The following TSEN2 variants were observed in gnomAD, a reference collection of about 807,000 sequenced individuals.
TSEN2 encodes tRNA splicing endonuclease subunit 2, also known as tRNA-splicing endonuclease subunit Sen2.
A neutral mutation model predicts 59.2 loss-of-function variants in TSEN2; 54 were observed. The observed-to-expected ratio is 0.91, with a 90% CI of 0.73 to 1.14. TSEN2 has a LOEUF of 1.14. TSEN2 is among the 50% of genes most tolerant of loss of function. The probability of loss-of-function intolerance (pLI) is 0.00; values close to 1 mark genes in which losing one functional copy is unlikely to be tolerated. For synonymous variants in TSEN2, 195 were observed against 198.2 expected (o/e 0.98, Z 0.14); for missense variants, 636 against 576.2 (o/e 1.10, Z -1.06).
chr3:12,529,642 A>G, intron 9 of TSEN2, 120 bp from the exon 10 acceptor site: 1 of 888,124 alleles, frequency 1.1e-6, no homozygotes, highest in Non-Finnish European at 1.7e-6. Context: ...ATTTAGGGGA[A>G]TTTAGAATCA....
chr3:12,523,942 T>C (rs2056876043), intron 8 of TSEN2, among the ~76,000 whole-genome samples: 1 of 152,224 alleles, frequency 6.6e-6, no homozygotes, highest in African/African-American at 2.4e-5. Context: ...TCCATATTAA[T>C]CCGTAAGTAT....
At chr3:12,508,938 G>A (rs2055128309) in intron 6 of TSEN2, among the ~76,000 whole-genome samples, 1 of 152,136 alleles carries the variant, frequency 6.6e-6, no homozygotes, top group Admixed American at 6.5e-5. Flanking sequence ...ATAGCTCACT[G>A]AAGCCTCATA....
chr3:12,496,781 C>A (rs980802315), intron 4 of TSEN2, among the ~76,000 whole-genome samples: 1 of 152,202 alleles, frequency 6.6e-6, no homozygotes, highest in African/African-American at 2.4e-5. Context: ...CAGTTGAATT[C>A]TTTCCAAATT....
Position 12,530,473 on chromosome 3 carries a change from T to G in TSEN2, c.1248+600T>G, listed in dbSNP as rs2057391441. 7.1e-6 allele frequency: 7 copies of G among 985,338 alleles called. No individual in the cohort carries two copies. In the South Asian group the frequency reaches 3.3e-4, roughly 46 times the overall value. The allele number at this position is 985,338 out of a possible 1,614,324, so 61.0% of individuals were successfully genotyped here. A position where few individuals can be genotyped will look rare whatever the true frequency, so the allele number is the denominator to read the frequency against. ...ATATCCTTCGTGTTGCCATCAGAGA[T>G]AGGAGGGACTCAGCTTACACAAGGA... is the stretch of plus-strand genomic sequence containing the variant. On this transcript the variant is annotated intron_variant, in intron 10 of 11. Transcript: ENST00000284995.
At chr3:12,533,717 T>G, downstream of TSEN2, 1 of 136,342 alleles carries the variant, frequency 7.3e-6, no homozygotes, top group South Asian at 2.5e-4. Flanking sequence ...GAAGGGGGAA[T>G]ACTTGCTCTT....
At chr3:12,496,318 T>C (rs1400822272) in intron 3 of TSEN2, among the ~76,000 whole-genome samples, 200 bp from the exon 4 acceptor site, 1 of 152,198 alleles carries the variant, frequency 6.6e-6, no homozygotes, top group South Asian at 2.1e-4. Flanking sequence ...ACCGATGTGA[T>C]TGATGGGCAG....
chr3:12,530,111 C>A (rs919688547), intron 10 of TSEN2: 3 of 1,405,534 alleles, frequency 2.1e-6, no homozygotes, highest in African/African-American at 2.9e-5. Flanking sequence ...GCTCCAATGA[C>A]GGAGCTTTGG....
At chr3:12,523,690 C>T (rs1250293960) in intron 8 of TSEN2, among the ~76,000 whole-genome samples, 3 of 151,776 alleles carry the variant, frequency 2.0e-5, no homozygotes, top group Non-Finnish European at 4.4e-5. Context: ...CAGGCGCACA[C>T]CACCACACCC....
chr3:12,491,653 C>G (rs1256375689), intron 2 of TSEN2, among the ~76,000 whole-genome samples: 2 of 152,108 alleles, frequency 1.3e-5, no homozygotes, highest in Non-Finnish European at 2.9e-5. Flanking sequence ...AAAGGTGTTA[C>G]GCTAAGAACA....
intron 3 of TSEN2, among the ~76,000 whole-genome samples, chr3:12,496,203 G>A (rs139741132): frequency 1.6e-3 from 246 of 152,324 alleles, no homozygotes; most frequent in Non-Finnish European, 2.9e-3. Context: ...TTGGAAGTTG[G>A]AATGAGCATT....
chr3:12,503,898 G>C, intron 5 of TSEN2, 114 bp downstream of exon 5: 1 of 1,387,592 alleles, frequency 7.2e-7, no homozygotes, highest in Non-Finnish European at 9.8e-7. Context: ...GGGTCCAAGG[G>C]AAGCAGCAGG....
intron 7 of TSEN2, among the ~76,000 whole-genome samples, chr3:12,516,905 T>A (rs937105740): frequency 1.3e-5 from 2 of 152,200 alleles, no homozygotes; most frequent in African/African-American, 4.8e-5. Flanking sequence ...TATCTTGTAC[T>A]GGATAATGAT....
At chr3:12,499,942 G>T (rs1301198402) in intron 4 of TSEN2, among the ~76,000 whole-genome samples, 4 of 152,170 alleles carry the variant, frequency 2.6e-5, no homozygotes, top group African/African-American at 9.7e-5. Flanking sequence ...GTGATAAAGG[G>T]GCATTCATCA....
intron 5 of TSEN2, among the ~76,000 whole-genome samples, chr3:12,504,379 C>T (rs2054601123): frequency 6.6e-6 from 1 of 151,990 alleles, no homozygotes; most frequent in Admixed American, 6.6e-5. Flanking sequence ...GCCAGGAGCT[C>T]AAGACCAGCC....
chr3:12,503,595 C>G lies in TSEN2; in HGVS notation c.642C>G (p.Ala214=). 6.3e-7 allele frequency: 1 copy of G among 1,597,278 alleles called. No homozygotes were observed. Among genetic ancestry groups the G allele is most frequent in the Non-Finnish European group, 8.5e-7 (1 of 1,169,970 alleles). The change falls in exon 5 of 12, where the codon GCC becomes GCG. Residue 214 remains alanine, a synonymous_variant. Transcript: ENST00000284995. Reference sequence around the variant, plus strand: ...TTGAGAAAAGCGTGCGAGAGGATGCCTCACCTCTGCCCCATGTCTGTTGCT... The same window carrying G: ...TTGAGAAAAGCGTGCGAGAGGATGCGTCACCTCTGCCCCATGTCTGTTGCT... ...ESFEKSVRED[A]SPLPHVCCCK...
At chr3:12,508,282 G>C (rs956897117) in intron 6 of TSEN2, among the ~76,000 whole-genome samples, 4 of 152,226 alleles carry the variant, frequency 2.6e-5, no homozygotes, top group African/African-American at 9.7e-5. Context: ...AAAGGCAAGA[G>C]TAATAGGAGA....
chr3:12,513,056 A>T lies in TSEN2; in HGVS notation c.910-3555A>T, dbSNP rs2055655041. On this transcript the variant is annotated intron_variant, in intron 6 of 11. Transcript: ENST00000284995. ...CCAGTCTACTGATAATTTAATTTTA[A>T]ATAAAACCAACTCAGTTGAATTAAG... Among the ~76,000 whole-genome samples, 3 of 152,328 alleles carry T rather than the reference A, an allele frequency of 2.0e-5. No homozygotes were observed. The South Asian group carries it at 6.2e-4, about 32-fold the overall frequency.
At chr3:12,536,420 A>G (rs976538876), downstream of TSEN2, among the ~76,000 whole-genome samples, 3 of 152,202 alleles carry the variant, frequency 2.0e-5, no homozygotes, top group Admixed American at 6.5e-5. Flanking sequence ...TGGTCATCCC[A>G]TGAACATTGA....
downstream of TSEN2, among the ~76,000 whole-genome samples, chr3:12,533,913 C>T (rs1048554311): frequency 2.0e-5 from 3 of 152,006 alleles, no homozygotes; most frequent in Non-Finnish European, 4.4e-5. Context: ...AGTTGAGATG[C>T]GGCAGATGCC....
Sources: gnomAD v4.1 joint callset for allele counts (sites outside exome capture counted in the v4.1 genomes callset) on GRCh38, gnomAD v4.1.1 for gene constraint, MANE v1.5 for transcripts, NCBI Gene and HGNC (gene_info 2026-07-23, HGNC 2026-07-21) for gene names.